Variants in INVS observed in about 807,000 individuals in gnomAD.
INVS encodes inversin.
Under a neutral mutation model 108.8 loss-of-function variants are expected in INVS, and 86 were observed. The ratio of observed to expected loss-of-function variants is 0.79; its 90% CI spans 0.66 to 0.95. The LOEUF is 0.95. INVS is among the 40% of genes least tolerant of loss of function. The pLI is 0.00. For missense variants in INVS, 1,169 were observed against 1,297.4 expected (o/e 0.90, Z 1.52); for synonymous variants, 455 against 473.5 (o/e 0.96, Z 0.51).
At chr9:100,142,835 G>T (rs1201209562) in intron 3 of INVS, among the ~76,000 whole-genome samples, 1 of 152,172 alleles carries the variant, frequency 6.6e-6, no homozygotes, top group Admixed American at 6.5e-5. Flanking sequence ...GGACAGAAAG[G>T]CTATAGGACG....
At chr9:100,183,794 GAAAA>G (rs67231511) in intron 3 of INVS, among the ~76,000 whole-genome samples, 9 of 68,716 alleles carry the variant, frequency 1.3e-4, no homozygotes, top group East Asian at 4.9e-4. Flanking sequence ...CTGTTTCAGG[GAAAA>G]AAAAAAAAAA....
At chr9:100,170,803 G>A (rs1829513745) in intron 3 of INVS, among the ~76,000 whole-genome samples, 2 of 152,146 alleles carry the variant, frequency 1.3e-5, no homozygotes, top group African/African-American at 4.8e-5. Flanking sequence ...AAGCCACTGT[G>A]CTAAGTTATG....
At position 100,253,090 on chromosome 9, in the gene INVS, C is replaced by CAAG. The variant is rs1313646653; in HGVS notation, c.1419_1420insAGA (p.Ala473_Val474insArg). 1 of 1,613,878 alleles carries CAAG rather than the reference C, an allele frequency of 6.2e-7. No homozygotes were observed. Among genetic ancestry groups the CAAG allele is most frequent in the Non-Finnish European group, 8.5e-7 (1 of 1,179,826 alleles). ...TATGGAGGCTATATCAACTGCATGG[C>CAAG]AGTTCTCATGGAAAACAATGCAGAC... On this transcript the variant is annotated inframe_insertion, in exon 10 of 17. Transcript: ENST00000262457.
chr9:100,133,707 G>T (rs954985795), intron 3 of INVS, among the ~76,000 whole-genome samples: 2 of 148,280 alleles, frequency 1.3e-5, no homozygotes, highest in East Asian at 4.2e-4. Flanking sequence ...CATTTTTGTT[G>T]AGAATGTATA....
In INVS at chr9:100,229,713, G is replaced by C; in HGVS notation, c.501G>C (p.Leu167=). 1 of 1,614,062 alleles carries C rather than the reference G, an allele frequency of 6.2e-7. No homozygotes were observed. Residue 167 remains leucine, a synonymous_variant, in exon 5 of 17, where the codon CTG becomes CTC. Coordinates refer to ENST00000262457, the MANE Select transcript of INVS (RefSeq NM_014425.5). ...ACAATAACCCTGAGCATGTGAAGCTGCTCATCAAGCATGATTCTAACATTG... is the reference window on the plus strand; with the variant it reads ...ACAATAACCCTGAGCATGTGAAGCTCCTCATCAAGCATGATTCTAACATTG... The part of the protein sequence containing the change: ...AYYNNPEHVK[L]LIKHDSNIGI...
chr9:100,232,409 A>T (rs1831542120), intron 5 of INVS, among the ~76,000 whole-genome samples: 1 of 152,084 alleles, frequency 6.6e-6, no homozygotes, highest in African/African-American at 2.4e-5. Flanking sequence ...TTGGTGTTTT[A>T]GTCATGAAGT....
At chr9:100,209,950 A>G (rs1830787561) in intron 3 of INVS, among the ~76,000 whole-genome samples, 1 of 152,026 alleles carries the variant, frequency 6.6e-6, no homozygotes, top group Non-Finnish European at 1.5e-5. Context: ...TAAAGCTTTC[A>G]TTCTAGTCAC....
chr9:100,276,350 C>T (rs1466855732), intron 12 of INVS, among the ~76,000 whole-genome samples: 1 of 152,162 alleles, frequency 6.6e-6, no homozygotes, highest in Non-Finnish European at 1.5e-5. Context: ...TCAGACTCTG[C>T]AACACACCGA....
intron 10 of INVS, among the ~76,000 whole-genome samples, chr9:100,261,907 A>T (rs954919623): frequency 5.3e-5 from 8 of 152,054 alleles, no homozygotes; most frequent in African/African-American, 1.9e-4. Flanking sequence ...GTTGCTATAG[A>T]TTTCCTTATA....
chr9:100,257,169 T>C (rs1182663837), intron 10 of INVS, among the ~76,000 whole-genome samples: 1 of 152,232 alleles, frequency 6.6e-6, no homozygotes, highest in Non-Finnish European at 1.5e-5. Flanking sequence ...TATAATGGCC[T>C]TCTTTGTCTC....
In INVS at chr9:100,170,950, T is replaced by C. The variant is rs186619766; in HGVS notation, c.273+44401T>C. Among the ~76,000 whole-genome samples the C allele has an allele frequency of 7.9e-4, 121 of 152,266 alleles. No homozygotes were observed. In the Middle Eastern group the frequency reaches 0.01, roughly 13 times the overall value. ...TAGGAAAGGAGTAAGCCTAGGTATA[T>C]CATAGGAAAATGTAAGAGAGGCATC... On this transcript the variant is annotated intron_variant, in intron 3 of 16. Transcript: ENST00000262457.
intron 1 of INVS, among the ~76,000 whole-genome samples, 193 bp downstream of exon 1, chr9:100,099,609 G>A (rs565368030): frequency 1.3e-5 from 2 of 152,360 alleles, no homozygotes; most frequent in African/African-American, 4.8e-5. Context: ...CGGGGCCTCA[G>A]TTGAATGAGT....
At chr9:100,282,544 T>A (rs1006144049) in intron 12 of INVS, among the ~76,000 whole-genome samples, 2 of 152,178 alleles carry the variant, frequency 1.3e-5, no homozygotes. Flanking sequence ...GTAACCCAGA[T>A]GTATGTCAGC....
Position 100,292,614 on chromosome 9 carries a change from C to G in INVS, c.2357C>G (p.Ala786Gly), listed in dbSNP as rs1289873308. The G allele has an allele frequency of 1.2e-6, 2 of 1,614,156 alleles. No individual in the cohort carries two copies. The highest frequency in any genetic ancestry group is 2.2e-5 in the South Asian group (2 of 91,076). The change falls in exon 14 of 17, where the codon GCC (alanine) becomes GGC (glycine). Residue 786 changes from alanine to glycine, a missense_variant. Around this residue, in one of 3 missense-constraint regions of INVS, gnomAD observed 533 missense variants for 536.0 expected, o/e 0.99. Coordinates refer to ENST00000262457, the MANE Select transcript of INVS (RefSeq NM_014425.5). ...AGGCGGCATGACACAGAACCCAAGG[C>G]CAAATGTGCCCCCCAGAAAAGGCGC... The part of the protein sequence containing the change: ...PSRRHDTEPK[A>G]KCAPQKRRTQ...
chr9:100,237,094 C>T (rs1249605009), intron 5 of INVS, among the ~76,000 whole-genome samples: 1 of 152,210 alleles, frequency 6.6e-6, no homozygotes, highest in East Asian at 1.9e-4. Flanking sequence ...CTGGCTATAG[C>T]GGCTTTGCTG....
intron 3 of INVS, among the ~76,000 whole-genome samples, chr9:100,185,659 G>T (rs1248095316): frequency 6.6e-6 from 1 of 151,126 alleles, no homozygotes; most frequent in African/African-American, 2.4e-5. Context: ...CCTGAATAGT[G>T]TATGTTGTAC....
intron 5 of INVS, among the ~76,000 whole-genome samples, chr9:100,232,165 T>C (rs993679358): frequency 2.6e-5 from 4 of 152,216 alleles, no homozygotes; most frequent in African/African-American, 4.8e-5. Flanking sequence ...TTTTGAGAAG[T>C]GTCTGTTCGT....
At chr9:100,280,924 C>T (rs1478031270) in intron 12 of INVS, among the ~76,000 whole-genome samples, 2 of 151,986 alleles carry the variant, frequency 1.3e-5, no homozygotes, top group African/African-American at 2.4e-5. Flanking sequence ...CTTGTCTCTA[C>T]AAAAATTTTT....
chr9:100,161,388 A>AAAAAAAAAAAAAACAAAAAAAAAAC (rs1564138793), intron 3 of INVS, among the ~76,000 whole-genome samples: 1 of 139,046 alleles, frequency 7.2e-6, no homozygotes, highest in African/African-American at 2.9e-5. Context: ...AAAAAAAAAA[A>AAAAAAAAAAAAAACAAAAAAAAAAC]AAAACCTCAT....
Sources: gnomAD v4.1 joint callset for allele counts (sites outside exome capture counted in the v4.1 genomes callset) on GRCh38, gnomAD v4.1.1 for gene constraint, gnomAD v4.1.1 regional missense constraint, MANE v1.5 for transcripts, NCBI Gene and HGNC (gene_info 2026-07-23, HGNC 2026-07-21) for gene names.